The following LRRC69 variants were observed in gnomAD, a reference collection of about 807,000 sequenced individuals.
The protein encoded by LRRC69 is leucine rich repeat containing 69, also known as leucine-rich repeat-containing protein 69.
LRRC69 carries 42 observed loss-of-function variants against 37.8 expected under a neutral mutation model. That is an observed-to-expected ratio of 1.11 (90% confidence interval 0.87 to 1.44). The LOEUF is 1.44. LRRC69 is among the 40% of genes most tolerant of loss of function. LRRC69 has a pLI of 0.00. For synonymous variants in LRRC69, 141 were observed against 143.1 expected (o/e 0.99, Z 0.11); for missense variants, 357 against 401.9 (o/e 0.89, Z 0.96).
chr8:91,137,471 A>G (rs150534358), intron 5 of LRRC69, among the ~76,000 whole-genome samples: 33 of 152,186 alleles, frequency 2.2e-4, no homozygotes, highest in African/African-American at 6.3e-4. Flanking sequence ...TTTTAACTCA[A>G]TAAGTGTTTG....
intron 5 of LRRC69, among the ~76,000 whole-genome samples, chr8:91,166,492 G>GAAAA (rs66705016): frequency 1.2e-3 from 110 of 95,236 alleles, no homozygotes; most frequent in African/African-American, 4.9e-3. Flanking sequence ...AAAATAAACT[G>GAAAA]AAAAAAAAAA....
chr8:91,193,958 C>T (rs1158696597), intron 6 of LRRC69, among the ~76,000 whole-genome samples: 3 of 135,236 alleles, frequency 2.2e-5, no homozygotes, highest in African/African-American at 8.5e-5. Flanking sequence ...CAGTTTTTGC[C>T]CATTCAGTAT....
At chr8:91,167,188 G>A (rs1308752459) in intron 5 of LRRC69, among the ~76,000 whole-genome samples, 2 of 151,926 alleles carry the variant, frequency 1.3e-5, no homozygotes, top group East Asian at 3.9e-4. Flanking sequence ...ACATACCCGA[G>A]ACTGGGTAAT....
At chr8:91,158,314 G>T (rs905848469) in intron 5 of LRRC69, 1 of 1,483,272 alleles carries the variant, frequency 6.7e-7, no homozygotes, top group African/African-American at 1.4e-5. Context: ...GAAAGAAACT[G>T]GAATTTACCC....
At chr8:91,214,411 C>T (rs577212531) in intron 7 of LRRC69, among the ~76,000 whole-genome samples, 11 of 152,280 alleles carry the variant, frequency 7.2e-5, no homozygotes, top group Non-Finnish European at 1.5e-4. Flanking sequence ...TATTTGAAAA[C>T]ATGTGCACTT....
chr8:91,139,949 G>A (rs1321308802), intron 5 of LRRC69, among the ~76,000 whole-genome samples: 2 of 151,674 alleles, frequency 1.3e-5, no homozygotes, highest in South Asian at 2.1e-4. Context: ...TTAGCTGGGC[G>A]TGGTGGCTCA....
intron 6 of LRRC69, among the ~76,000 whole-genome samples, chr8:91,197,193 G>A (rs533004256): frequency 6.6e-6 from 1 of 152,186 alleles, no homozygotes; most frequent in Non-Finnish European, 1.5e-5. Flanking sequence ...GAGGCAGTCC[G>A]CCCATTCTCA....
intron 5 of LRRC69, among the ~76,000 whole-genome samples, chr8:91,181,098 C>T (rs184612965): frequency 1.1e-4 from 17 of 152,130 alleles, no homozygotes; most frequent in African/African-American, 4.1e-4. Context: ...CTGTTTGAGA[C>T]ATTTTTATGG....
intron 7 of LRRC69, among the ~76,000 whole-genome samples, chr8:91,210,583 A>ACACACACC (rs1406274101): frequency 1.4e-5 from 2 of 144,644 alleles, no homozygotes; most frequent in Non-Finnish European, 3.0e-5. Context: ...ACACACACAC[A>ACACACACC]CACACACACA....
At chr8:91,141,786 AG>A (rs1300460580) in intron 5 of LRRC69, among the ~76,000 whole-genome samples, 2 of 152,082 alleles carry the variant, frequency 1.3e-5, no homozygotes, top group Admixed American at 6.6e-5. Context: ...GCTTGAACAA[AG>A]ATGCAAGTCA....
At chr8:91,114,118 T>G (rs1422636075) in intron 1 of LRRC69, among the ~76,000 whole-genome samples, 1 of 151,906 alleles carries the variant, frequency 6.6e-6, no homozygotes, top group Non-Finnish European at 1.5e-5. Context: ...TGAAGTATTA[T>G]TTTACACATG....
At chr8:91,150,936 C>T (rs1808724629) in intron 5 of LRRC69, among the ~76,000 whole-genome samples, 1 of 151,878 alleles carries the variant, frequency 6.6e-6, no homozygotes, top group Non-Finnish European at 1.5e-5. Context: ...GTGATATCCT[C>T]TTTATCATTT....
At chr8:91,112,966 C>A (rs531285922) in intron 1 of LRRC69, among the ~76,000 whole-genome samples, 3 of 151,894 alleles carry the variant, frequency 2.0e-5, no homozygotes, top group Admixed American at 1.3e-4. Context: ...AAAATCAATC[C>A]ATTTACAATA....
intron 1 of LRRC69, among the ~76,000 whole-genome samples, chr8:91,123,937 T>C (rs1813673343): frequency 6.6e-6 from 1 of 151,384 alleles, no homozygotes. Flanking sequence ...ATTATACCAT[T>C]TCAATAGTTT....
At chr8:91,164,328 G>T (rs531994564) in intron 5 of LRRC69, among the ~76,000 whole-genome samples, 30 of 151,762 alleles carry the variant, frequency 2.0e-4, no homozygotes, top group African/African-American at 7.2e-4. Flanking sequence ...AAGGTGTCAG[G>T]AAACTAGGCT....
intron 6 of LRRC69, among the ~76,000 whole-genome samples, chr8:91,197,514 C>A (rs1440859124): frequency 1.3e-5 from 2 of 152,130 alleles, no homozygotes; most frequent in Non-Finnish European, 2.9e-5. Context: ...GCGTAGGACC[C>A]TCCGAGCCAG....
intron 7 of LRRC69, among the ~76,000 whole-genome samples, chr8:91,218,250 A>C (rs1586298911): frequency 6.6e-6 from 1 of 152,282 alleles, no homozygotes; most frequent in African/African-American, 2.4e-5. Context: ...ATGATTATAA[A>C]ACATAGAAAT....
At chr8:91,141,513 C>T (rs975612061) in intron 5 of LRRC69, among the ~76,000 whole-genome samples, 7 of 152,088 alleles carry the variant, frequency 4.6e-5, no homozygotes, top group Non-Finnish European at 7.3e-5. Flanking sequence ...TTGATATAAA[C>T]CTCCTTGATG....
At chr8:91,177,726 A>G (rs1476998991) in intron 5 of LRRC69, among the ~76,000 whole-genome samples, 3 of 152,148 alleles carry the variant, frequency 2.0e-5, no homozygotes, top group African/African-American at 7.2e-5. Context: ...TGGAGAAATA[A>G]AAGTCTGTAG....
Sources: allele counts gnomAD v4.1 joint callset (sites outside exome capture counted in the v4.1 genomes callset), GRCh38; gene constraint gnomAD v4.1.1; transcripts MANE v1.5; gene names NCBI Gene and HGNC (gene_info 2026-07-23, HGNC 2026-07-21).